FAM204A: variants seen among roughly 807,000 people sequenced by gnomAD.
FAM204A encodes family with sequence similarity 204 member A.
A neutral mutation model predicts 35.4 loss-of-function variants in FAM204A; 16 were observed. That is an observed-to-expected ratio of 0.45 (90% CI 0.31 to 0.69). FAM204A has a LOEUF of 0.69. Ranked by LOEUF, FAM204A falls within the 30% of genes least tolerant of loss-of-function variation. The pLI is 0.07. For synonymous variants in FAM204A, 76 were observed against 86.9 expected (o/e 0.88, Z 0.70); for missense variants, 240 against 265.7 (o/e 0.90, Z 0.67).
chr10:118,333,858 G>C (rs1282258651), intron 6 of FAM204A, among the ~76,000 whole-genome samples: 1 of 152,068 alleles, frequency 6.6e-6, no homozygotes, highest in Non-Finnish European at 1.5e-5. Flanking sequence ...ATGCAATGAT[G>C]GATTTAAAAT....
At chr10:118,311,940 C>T (rs1227586707) in intron 7 of FAM204A, among the ~76,000 whole-genome samples, 1 of 152,088 alleles carries the variant, frequency 6.6e-6, no homozygotes, top group East Asian at 1.9e-4. Flanking sequence ...TCTATGTGTG[C>T]CCCCCTTACA....
rs1236824533 is a variant in FAM204A, at chr10:118,305,979, CTGAAGA to C, written c.*4872_*4877del. 2 of 152,202 alleles carry C rather than the reference CTGAAGA, an allele frequency of 1.3e-5. No homozygotes were observed. Among genetic ancestry groups the C allele is most frequent in the Non-Finnish European group, 2.9e-5 (2 of 68,050 alleles). 9.4% of individuals were successfully genotyped at this position (152,202 alleles called of 1,614,324 possible). A position where few individuals can be genotyped will look rare whatever the true frequency, so the allele number is the denominator to read the frequency against. ...CCTTTATAGCTGAGACACATTCAGC[CTGAAGA>C]TGAAGTGATATATTGACTTCTTGAT... On this transcript the variant is annotated 3_prime_UTR_variant, in exon 9 of 9. Coordinates refer to ENST00000369183, the MANE Select transcript of FAM204A (RefSeq NM_022063.3).
chr10:118,328,180 A>G (rs1846228800), intron 6 of FAM204A, among the ~76,000 whole-genome samples: 1 of 151,850 alleles, frequency 6.6e-6, no homozygotes, highest in Non-Finnish European at 1.5e-5. Context: ...CTAGAATTCT[A>G]CTCCCTGATA....
At position 118,299,995 on chromosome 10, in the gene FAM204A, T is replaced by C. The variant is rs967130970; in HGVS notation, c.*10862A>G. 5 of 152,146 alleles carry C rather than the reference T, an allele frequency of 3.3e-5. No individual in the cohort carries two copies. Among genetic ancestry groups the C allele is most frequent in the African/African-American group, 1.2e-4 (5 of 41,426 alleles). The allele number at this position is 152,146 out of a possible 1,614,324, so 9.4% of individuals were successfully genotyped here. A position where few individuals can be genotyped will look rare whatever the true frequency, so the allele number is the denominator to read the frequency against. On this transcript the variant is annotated 3_prime_UTR_variant, in exon 9 of 9. Coordinates refer to ENST00000369183, the MANE Select transcript of FAM204A (RefSeq NM_022063.3). ...AGTGGGTCTTGTGTGGCCTTGATTA[T>C]AGAGGAACAAAGTAGCAACTGTATT...
At chr10:118,334,850 T>G (rs933717979) in intron 6 of FAM204A, among the ~76,000 whole-genome samples, 1 of 152,244 alleles carries the variant, frequency 6.6e-6, no homozygotes, top group African/African-American at 2.4e-5. Flanking sequence ...CAGGTCTCAG[T>G]GACGTGGCAC....
chr10:118,314,756 A>G lies in FAM204A; in HGVS notation c.544-3443T>C, dbSNP rs190909648. ...GAAAGAAATTTTTTTAAATGAATAAAATATATACAAAATTTCTTGTATGTG... is the reference window on the plus strand; with the variant it reads ...GAAAGAAATTTTTTTAAATGAATAAGATATATACAAAATTTCTTGTATGTG... On this transcript the variant is annotated intron_variant, in intron 7 of 8. Transcript: ENST00000369183. Among the ~76,000 whole-genome samples, 440 of 152,288 alleles carry G rather than the reference A, an allele frequency of 2.9e-3. 3 individuals are homozygous for G. The highest frequency in any genetic ancestry group is 9.9e-3 in the African/African-American group (413 of 41,568).
chr10:118,301,505 G>T lies in FAM204A; in HGVS notation c.*9352C>A, dbSNP rs1459311232. On this transcript the variant is annotated 3_prime_UTR_variant, in exon 9 of 9. Coordinates refer to ENST00000369183, the MANE Select transcript of FAM204A (RefSeq NM_022063.3). ...TTAGGAAACCGAATCTTTTGTAATG[G>T]GAGTAAGCATGTCTGTTCTTTGCTC... is the stretch of plus-strand genomic sequence containing the variant. 1 of 152,114 alleles carries T rather than the reference G, an allele frequency of 6.6e-6. No homozygotes were observed. Among genetic ancestry groups the T allele is most frequent in the East Asian group, 1.9e-4 (1 of 5,186 alleles). 9.4% of individuals were successfully genotyped at this position (152,114 alleles called of 1,614,324 possible). A position where few individuals can be genotyped will look rare whatever the true frequency, so the allele number is the denominator to read the frequency against.
At chr10:118,323,777 T>C (rs924581722) in intron 7 of FAM204A, among the ~76,000 whole-genome samples, 1 of 152,090 alleles carries the variant, frequency 6.6e-6, no homozygotes, top group Admixed American at 6.6e-5. Flanking sequence ...TCAAGTACAA[T>C]TACTTGAAAG....
chr10:118,338,035 T>C (rs1240852246), intron 2 of FAM204A, among the ~76,000 whole-genome samples: 1 of 152,214 alleles, frequency 6.6e-6, no homozygotes, highest in Non-Finnish European at 1.5e-5. Flanking sequence ...GTTTTCTGAA[T>C]GGAGGAATAA....
In FAM204A at chr10:118,335,190, T is replaced by A; in HGVS notation, c.377A>T (p.Gln126Leu). Residue 126 changes from glutamine (Q) to leucine (L), a missense_variant, in exon 6 of 9, where the codon CAG becomes CTG. By Grantham distance (113) the Gln-to-Leu change is moderately radical. Coordinates refer to ENST00000369183, the MANE Select transcript of FAM204A (RefSeq NM_022063.3). ...LHSEPSSNET[Q>L]WKELTQYFGV... ...AAAATACTGAGTAAGCTCTTTCCACTGGGTTTCATTTGAGGACGGTTCACT... is the reference window on the plus strand; with the variant it reads ...AAAATACTGAGTAAGCTCTTTCCACAGGGTTTCATTTGAGGACGGTTCACT... 1 of 1,613,530 alleles carries A rather than the reference T, an allele frequency of 6.2e-7. No individual in the cohort carries two copies. The highest frequency in any genetic ancestry group is 8.5e-7 in the Non-Finnish European group (1 of 1,179,758).
At chr10:118,323,022 T>C (rs1846142722) in intron 7 of FAM204A, among the ~76,000 whole-genome samples, 1 of 152,084 alleles carries the variant, frequency 6.6e-6, no homozygotes, top group African/African-American at 2.4e-5. Flanking sequence ...GGCTTTCCCT[T>C]ACCTTTTCTT....
chr10:118,326,248 A>G lies in FAM204A; in HGVS notation c.454-5T>C, dbSNP rs766479063. On this transcript the variant is annotated splice_polypyrimidine_tract_variant and splice_region_variant and intron_variant, in intron 6 of 8. Transcript: ENST00000369183. Reference sequence around the variant, plus strand: ...TATCCTCTTTTCAAGGCCTGACTAGAAAAAAAAGAAACCTAAAATTAAGGG... The same window carrying G: ...TATCCTCTTTTCAAGGCCTGACTAGGAAAAAAAGAAACCTAAAATTAAGGG... The G allele has an allele frequency of 1.9e-6, 3 of 1,604,642 alleles. No homozygotes were observed. The highest frequency in any genetic ancestry group is 2.7e-5 in the African/African-American group (2 of 74,304).
At chr10:118,328,600 C>A (rs1481971461) in intron 6 of FAM204A, among the ~76,000 whole-genome samples, 1 of 151,164 alleles carries the variant, frequency 6.6e-6, no homozygotes, top group Non-Finnish European at 1.5e-5. Context: ...TCAAGCGATT[C>A]CCCTGCCTCA....
chr10:118,315,453 C>T (rs1462874180), intron 7 of FAM204A, among the ~76,000 whole-genome samples: 2 of 152,116 alleles, frequency 1.3e-5, no homozygotes, highest in Admixed American at 6.6e-5. Context: ...CTTTTGAACA[C>T]TTTCAAGGCA....
intron 6 of FAM204A, among the ~76,000 whole-genome samples, chr10:118,327,041 T>G (rs1401790819): frequency 6.6e-6 from 1 of 152,214 alleles, no homozygotes; most frequent in Non-Finnish European, 1.5e-5. Context: ...GGAGTTCTAG[T>G]TTGTGAAAAT....
rs1845808872 is a variant in FAM204A, at chr10:118,301,630, A to G, written c.*9227T>C. 1 of 152,206 alleles carries G rather than the reference A, an allele frequency of 6.6e-6. No homozygotes were observed. Among genetic ancestry groups the G allele is most frequent in the South Asian group, 2.1e-4 (1 of 4,832 alleles). The allele number at this position is 152,206 out of a possible 1,614,324, so 9.4% of individuals were successfully genotyped here. A position where few individuals can be genotyped will look rare whatever the true frequency, so the allele number is the denominator to read the frequency against. On this transcript the variant is annotated 3_prime_UTR_variant, in exon 9 of 9. Coordinates refer to ENST00000369183, the MANE Select transcript of FAM204A (RefSeq NM_022063.3). Reference sequence around the variant, plus strand: ...GGGTACTTAGTGCCTTGCTTCCAAGACGTGTAGAAATGCAAGAATTGTCCA... The same window carrying G: ...GGGTACTTAGTGCCTTGCTTCCAAGGCGTGTAGAAATGCAAGAATTGTCCA...
rs1845892660 is a variant in FAM204A, at chr10:118,308,020, T to C, written c.*2837A>G. Reference sequence around the variant, plus strand: ...CAAACCTAAGATTATATATTCAATCTCTCCTTTCGGTGAAAGACATAGAAT... The same window carrying C: ...CAAACCTAAGATTATATATTCAATCCCTCCTTTCGGTGAAAGACATAGAAT... On this transcript the variant is annotated 3_prime_UTR_variant, in exon 9 of 9. Coordinates refer to ENST00000369183, the MANE Select transcript of FAM204A (RefSeq NM_022063.3). 6.6e-6 allele frequency: 1 copy of C among 152,198 alleles called. No individual in the cohort carries two copies. Among genetic ancestry groups the C allele is most frequent in the Non-Finnish European group, 1.5e-5 (1 of 68,034 alleles). 9.4% of individuals were successfully genotyped at this position (152,198 alleles called of 1,614,324 possible).
chr10:118,337,437 A>T (rs1346273435), intron 2 of FAM204A, among the ~76,000 whole-genome samples: 2 of 152,242 alleles, frequency 1.3e-5, no homozygotes, highest in Non-Finnish European at 2.9e-5. Context: ...AACAAACAAA[A>T]GAAACCACCA....
At chr10:118,324,681 T>G (rs1480339213) in intron 7 of FAM204A, among the ~76,000 whole-genome samples, 1 of 151,916 alleles carries the variant, frequency 6.6e-6, no homozygotes, top group Non-Finnish European at 1.5e-5. Flanking sequence ...CAAGGCTGGG[T>G]GGAGGGGAGA....
Sources: allele counts gnomAD v4.1 joint callset (sites outside exome capture counted in the v4.1 genomes callset), GRCh38; gene constraint gnomAD v4.1.1; transcripts MANE v1.5; gene names NCBI Gene and HGNC (gene_info 2026-07-23, HGNC 2026-07-21).